SYN3: variants seen among roughly 807,000 people sequenced by gnomAD.
The protein encoded by SYN3 is synapsin-3.
In SYN3, 35 loss-of-function variants were observed where a neutral mutation model predicts 65.8. The observed-to-expected ratio is 0.53, with a 90% CI of 0.41 to 0.70. The LOEUF is 0.70. SYN3 is among the 30% of genes least tolerant of loss of function. The probability of loss-of-function intolerance (pLI) is 0.00; values close to 1 mark genes in which losing one functional copy is unlikely to be tolerated. For synonymous variants in SYN3, 270 were observed against 292.9 expected, an observed-to-expected ratio of 0.92 and a Z score of 0.80; for missense variants, 680 against 749.0, an observed-to-expected ratio of 0.91 and a Z score of 1.08.
chr22:32,882,493 G>A (rs2049168523), intron 4 of SYN3, among the ~76,000 whole-genome samples: 1 of 152,168 alleles, frequency 6.6e-6, no homozygotes, highest in Non-Finnish European at 1.5e-5. Flanking sequence ...TAAGAGTGCT[G>A]GGAACTTGTA....
At chr22:32,516,660 C>A (rs1293988147) in intron 13 of SYN3, among the ~76,000 whole-genome samples, 2 of 152,248 alleles carry the variant, frequency 1.3e-5, no homozygotes, top group Non-Finnish European at 2.9e-5. Context: ...GCCACCACAC[C>A]TGGCCTGATA....
At chr22:32,709,615 T>C (rs2060928526) in intron 6 of SYN3, among the ~76,000 whole-genome samples, 1 of 152,136 alleles carries the variant, frequency 6.6e-6, no homozygotes, top group African/African-American at 2.4e-5. Context: ...TACAAAACAT[T>C]CAGAAAAACC....
chr22:32,540,257 C>T (rs749939678), intron 8 of SYN3, among the ~76,000 whole-genome samples: 2 of 152,178 alleles, frequency 1.3e-5, no homozygotes, highest in African/African-American at 2.4e-5. Flanking sequence ...CATAAATGGG[C>T]GTGCATGGCT....
chr22:32,513,551 G>C lies in SYN3; in HGVS notation c.*141C>G. On this transcript the variant is annotated 3_prime_UTR_variant, in exon 14 of 14. Transcript: ENST00000358763. Reference sequence around the variant, plus strand: ...AAATGGGAACAAATATAGATAATCGGTTCCTGGGTCAAAGGCATTTAGAAA... The same window carrying C: ...AAATGGGAACAAATATAGATAATCGCTTCCTGGGTCAAAGGCATTTAGAAA... 1 of 1,131,464 alleles carries C rather than the reference G, an allele frequency of 8.8e-7. No homozygotes were observed. Among genetic ancestry groups the C allele is most frequent in the Non-Finnish European group, 1.2e-6 (1 of 802,912 alleles). The allele number at this position is 1,131,464 out of a possible 1,614,324, so 70.1% of individuals were successfully genotyped here. A position where few individuals can be genotyped will look rare whatever the true frequency, so the allele number is the denominator to read the frequency against.
At chr22:32,601,723 G>T (rs1381006898) in intron 6 of SYN3, among the ~76,000 whole-genome samples, 1 of 152,220 alleles carries the variant, frequency 6.6e-6, no homozygotes, top group Non-Finnish European at 1.5e-5. Context: ...CCAAAGAGGG[G>T]AGTTCAGGTT....
intron 4 of SYN3, among the ~76,000 whole-genome samples, chr22:32,898,958 T>G (rs1441185776): frequency 1.3e-5 from 2 of 152,020 alleles, no homozygotes; most frequent in African/African-American, 4.8e-5. Context: ...AAAAATTAGC[T>G]GGATGTGGTG....
intron 5 of SYN3, among the ~76,000 whole-genome samples, chr22:32,867,334 A>G (rs1190356902): frequency 6.6e-6 from 1 of 152,194 alleles, no homozygotes; most frequent in Non-Finnish European, 1.5e-5. Context: ...GCCCCTGCTC[A>G]CTAGAATGTA....
intron 6 of SYN3, among the ~76,000 whole-genome samples, chr22:32,704,785 C>T (rs527648942): frequency 6.6e-6 from 1 of 152,110 alleles, no homozygotes; most frequent in Non-Finnish European, 1.5e-5. Context: ...TCACTGTAGT[C>T]CTGATTTGCA....
intron 3 of SYN3, among the ~76,000 whole-genome samples, chr22:32,939,588 C>T (rs940774742): frequency 3.3e-5 from 5 of 152,128 alleles, no homozygotes; most frequent in African/African-American, 7.2e-5. Context: ...TTTACATGTT[C>T]GTGAACTTGC....
chr22:32,640,644 G>A (rs1194377214), intron 6 of SYN3, among the ~76,000 whole-genome samples: 1 of 151,904 alleles, frequency 6.6e-6, no homozygotes, highest in Admixed American at 6.6e-5. Flanking sequence ...AGGTGGGCGG[G>A]TCACAAGGTC....
intron 7 of SYN3, among the ~76,000 whole-genome samples, chr22:32,591,862 T>C (rs1420687774): frequency 6.6e-6 from 1 of 152,194 alleles, no homozygotes; most frequent in East Asian, 1.9e-4. Context: ...CCCAGCTCCA[T>C]TCTGCCCAGG....
chr22:32,807,386 T>TTATATATAATATATAG, intron 6 of SYN3, among the ~76,000 whole-genome samples: 1 of 104,300 alleles, frequency 9.6e-6, no homozygotes, highest in Non-Finnish European at 1.9e-5. Context: ...ATAATATATA[T>TTATATATAATATATAG]TATATATAAT....
rs1340805699 is a variant in SYN3 at position 32,528,955 on chromosome 22, C to T, written c.1149G>A (p.Gln383=). ...LIGEHVEEDR[Q]LMADLVVSKM... is the part of the protein sequence containing the mutation. ...TGGAGACAACAAGGTCGGCCATCAG[C>T]TGTCTGTCCTCTTCCACATGCTCTC... Residue 383 remains glutamine (Q), a synonymous_variant, in exon 11 of 14, where the codon CAG becomes CAA. Coordinates refer to ENST00000358763, the MANE Select transcript of SYN3 (RefSeq NM_003490.4). The T allele has an allele frequency of 2.5e-6, 4 of 1,614,096 alleles. No homozygotes were observed. In the South Asian group the frequency reaches 3.3e-5, roughly 13 times the overall value.
At chr22:33,002,315 C>G (rs201309015) in intron 2 of SYN3, among the ~76,000 whole-genome samples, 1 of 152,158 alleles carries the variant, frequency 6.6e-6, no homozygotes, top group South Asian at 2.1e-4. Context: ...GCTGAACATA[C>G]TTTAATGTTG....
chr22:32,886,084 A>G (rs1391483187), intron 4 of SYN3, among the ~76,000 whole-genome samples: 1 of 152,234 alleles, frequency 6.6e-6, no homozygotes, highest in Non-Finnish European at 1.5e-5. Flanking sequence ...ATGGACAGCC[A>G]TATGTTGTTC....
At chr22:32,634,922 A>AT (rs1190657141) in intron 6 of SYN3, among the ~76,000 whole-genome samples, 2 of 146,056 alleles carry the variant, frequency 1.4e-5, no homozygotes, top group South Asian at 4.3e-4. Context: ...ACATTATGAG[A>AT]TTTTTTTTGC....
chr22:32,727,882 T>C (rs7284954), intron 6 of SYN3, among the ~76,000 whole-genome samples: 19,701 of 152,198 alleles, frequency 0.13, 2,249 homozygotes, highest in African/African-American at 0.31. Context: ...ATGTTAGACC[T>C]TTGTCAGATG....
At chr22:32,797,634 C>T (rs1445819197) in intron 6 of SYN3, among the ~76,000 whole-genome samples, 2 of 152,208 alleles carry the variant, frequency 1.3e-5, no homozygotes, top group Non-Finnish European at 2.9e-5. Context: ...GAGCCTGTCT[C>T]TCCTAGGACT....
intron 7 of SYN3, among the ~76,000 whole-genome samples, chr22:32,547,122 C>T (rs184112477): frequency 2.6e-5 from 4 of 152,136 alleles, no homozygotes; most frequent in East Asian, 1.9e-4. Flanking sequence ...GGACTACCGG[C>T]GCATGACATC....
Sources: gnomAD v4.1 joint callset for allele counts (sites outside exome capture counted in the v4.1 genomes callset) on GRCh38, gnomAD v4.1.1 for gene constraint, MANE v1.5 for transcripts, NCBI Gene and HGNC (gene_info 2026-07-23, HGNC 2026-07-21) for gene names.